GPHN: variants seen among roughly 807,000 people sequenced by gnomAD.
The protein encoded by GPHN is gephyrin.
GPHN carries 17 observed loss-of-function variants against 95.5 expected under a neutral mutation model. The observed-to-expected ratio is 0.18, with a 90% CI of 0.12 to 0.27. GPHN has a LOEUF of 0.27. Among genes scored for constraint, GPHN ranks in the 10% least tolerant of loss-of-function variants. The probability of loss-of-function intolerance (pLI) is 1.00; values close to 1 mark genes in which losing one functional copy is unlikely to be tolerated. For missense variants in GPHN, 660 were observed against 978.1 expected (o/e 0.67, Z 4.34); for synonymous variants, 320 against 322.5 (o/e 0.99, Z 0.08).
the GPHN span, among the ~76,000 whole-genome samples, chr14:67,297,811 A>C: frequency 1.3e-5 from 2 of 152,252 alleles, no homozygotes; most frequent in African/African-American, 4.8e-5. Context: ...TTTGTCAGAC[A>C]TTCTGCCAAT....
chr14:67,144,249 AAATAT>A (rs1340963610), intron 18 of GPHN, among the ~76,000 whole-genome samples: 4 of 68,946 alleles, frequency 5.8e-5, no homozygotes, highest in South Asian at 5.1e-4. Context: ...AAAAAAAAAA[AAATAT>A]ATATATATAT....
At chr14:67,474,265 C>CAAAA in the GPHN span, among the ~76,000 whole-genome samples, 2,018 of 144,756 alleles carry the variant, frequency 0.014, 40 homozygotes, top group African/African-American at 0.047. Flanking sequence ...AAAAACAAAA[C>CAAAA]AAAAAAAAAA....
the GPHN span, among the ~76,000 whole-genome samples, chr14:67,455,172 G>T: frequency 6.6e-6 from 1 of 152,332 alleles, no homozygotes. Context: ...AGCACGGTCA[G>T]ATGCTGCCAG....
chr14:67,458,708 T>C, the GPHN span, among the ~76,000 whole-genome samples: 6 of 152,104 alleles, frequency 3.9e-5, no homozygotes, highest in Admixed American at 1.3e-4. Flanking sequence ...TTATATGCTA[T>C]TTTTTTCCTT....
chr14:66,921,430 T>G (rs1887306371), intron 6 of GPHN, among the ~76,000 whole-genome samples: 1 of 151,972 alleles, frequency 6.6e-6, no homozygotes, highest in Admixed American at 6.5e-5. Context: ...ATTAGCCCAC[T>G]TTTTGATGGG....
At chr14:67,444,436 T>C in the GPHN span, among the ~76,000 whole-genome samples, 1 of 152,222 alleles carries the variant, frequency 6.6e-6, no homozygotes, top group Non-Finnish European at 1.5e-5. Flanking sequence ...CTCTGAGCTA[T>C]AATCATCCCA....
At chr14:66,713,145 C>T (rs1394616660) in intron 2 of GPHN, among the ~76,000 whole-genome samples, 1 of 152,150 alleles carries the variant, frequency 6.6e-6, no homozygotes, top group Non-Finnish European at 1.5e-5. Context: ...CATGCAAAAG[C>T]TCTTTACCAG....
chr14:67,021,128 G>C (rs1441427894), intron 9 of GPHN, among the ~76,000 whole-genome samples: 2 of 152,044 alleles, frequency 1.3e-5, no homozygotes, highest in Non-Finnish European at 2.9e-5. Flanking sequence ...CATGGTGCAA[G>C]AGAAAAAGTT....
At chr14:67,592,953 T>G in the GPHN span, among the ~76,000 whole-genome samples, 2 of 151,916 alleles carry the variant, frequency 1.3e-5, no homozygotes, top group African/African-American at 2.4e-5. Context: ...GCCCGGCTAA[T>G]TTTTTGTATT....
the GPHN span, chr14:67,302,695 G>A: frequency 4.1e-6 from 3 of 723,812 alleles, no homozygotes; most frequent in Non-Finnish European, 6.0e-6. Context: ...ATTTTTCCAT[G>A]ATGTAACTGT....
chr14:66,653,368 T>A, intron 1 of GPHN, among the ~76,000 whole-genome samples: 1 of 152,204 alleles, frequency 6.6e-6, no homozygotes, highest in East Asian at 1.9e-4. Flanking sequence ...ATTGATTTTT[T>A]AATTAAACTT....
the GPHN span, among the ~76,000 whole-genome samples, chr14:67,477,250 A>G: frequency 6.6e-6 from 1 of 151,762 alleles, no homozygotes; most frequent in Non-Finnish European, 1.5e-5. Flanking sequence ...AAGATTCTTC[A>G]TGACCTTGCC....
chr14:67,258,228 A>G, the GPHN span, among the ~76,000 whole-genome samples: 2 of 151,998 alleles, frequency 1.3e-5, no homozygotes, highest in African/African-American at 2.4e-5. Flanking sequence ...AAGATAAGGT[A>G]CTCATCCATA....
At chr14:67,216,609 C>T in the GPHN span, among the ~76,000 whole-genome samples, 1 of 151,936 alleles carries the variant, frequency 6.6e-6, no homozygotes, top group Admixed American at 6.6e-5. Context: ...TTTCTATTTC[C>T]ATTTGTATCA....
the GPHN span, among the ~76,000 whole-genome samples, chr14:67,654,530 G>T: frequency 1.3e-5 from 2 of 152,150 alleles, no homozygotes; most frequent in African/African-American, 4.8e-5. Context: ...AGCTTGCCTT[G>T]AATGTAGTAC....
At chr14:66,596,728 C>G (rs1016674722) in intron 1 of GPHN, among the ~76,000 whole-genome samples, 1 of 152,204 alleles carries the variant, frequency 6.6e-6, no homozygotes, top group Non-Finnish European at 1.5e-5. Context: ...GCAGGGCTTC[C>G]TGGGTCCCCA....
chr14:67,326,439 T>G, the GPHN span, among the ~76,000 whole-genome samples: 1 of 151,960 alleles, frequency 6.6e-6, no homozygotes, highest in Non-Finnish European at 1.5e-5. Flanking sequence ...ATGCAATATA[T>G]TTGATTTTCT....
At chr14:67,100,801 T>TTCCATGCTGTAGG (rs1342670892) in intron 12 of GPHN, 55 bp from the exon 13 acceptor site, 4 of 1,130,508 alleles carry the variant, frequency 3.5e-6, no homozygotes, top group Non-Finnish European at 5.4e-6. Context: ...TAGGTTCTTG[T>TTCCATGCTGTAGG]TCCATGCTGT....
At chr14:67,415,504 G>T in the GPHN span, among the ~76,000 whole-genome samples, 1 of 152,158 alleles carries the variant, frequency 6.6e-6, no homozygotes, top group South Asian at 2.1e-4. Context: ...TTAGGTTAAA[G>T]GGTGTAAATT....
Sources: allele counts gnomAD v4.1 joint callset (sites outside exome capture counted in the v4.1 genomes callset), GRCh38; gene constraint gnomAD v4.1.1; transcripts MANE v1.5; gene names NCBI Gene and HGNC (gene_info 2026-07-23, HGNC 2026-07-21).